Variants in TAB2 observed in about 807,000 individuals in gnomAD.
TAB2 encodes the protein TGF-beta activated kinase 1 (MAP3K7) binding protein 2, also known as TGF-beta-activated kinase 1 and MAP3K7-binding protein 2.
TAB2 carries 3 observed loss-of-function variants against 65.0 expected under a neutral mutation model. The observed-to-expected ratio is 0.05, with a 90% CI of 0.02 to 0.12. The LOEUF is 0.12. TAB2 is among the 10% of genes least tolerant of loss of function. The pLI is 1.00. For synonymous variants in TAB2, 298 were observed against 285.1 expected (o/e 1.05, Z -0.46); for missense variants, 623 against 840.3 (o/e 0.74, Z 3.20).
chr6:149,241,022 C>T (rs1424249511), intron 1 of TAB2, among the ~76,000 whole-genome samples: 1 of 151,956 alleles, frequency 6.6e-6, no homozygotes, highest in African/African-American at 2.4e-5. Flanking sequence ...GGAAGAGACA[C>T]CAAGAGCTCT....
At chr6:149,293,777 C>G (rs1226979825) in intron 1 of TAB2, among the ~76,000 whole-genome samples, 1 of 152,120 alleles carries the variant, frequency 6.6e-6, no homozygotes, top group Non-Finnish European at 1.5e-5. Flanking sequence ...ACAGATAATA[C>G]AACCTCATTT....
upstream of TAB2, chr6:149,218,612 T>C (rs1179283170): frequency 5.2e-5 from 18 of 344,874 alleles, no homozygotes; most frequent in Middle Eastern, 3.8e-4. Context: ...GACACTCTTA[T>C]ATTCTTACAG....
chr6:149,321,457 G>C (rs1459032893), intron 1 of TAB2: 1 of 152,122 alleles, frequency 6.6e-6, no homozygotes, highest in African/African-American at 2.4e-5. Flanking sequence ...GACTGATCTT[G>C]ATAAAACTAA....
intron 1 of TAB2, among the ~76,000 whole-genome samples, chr6:149,292,648 CAT>C (rs1778798612): frequency 6.6e-6 from 1 of 151,766 alleles, no homozygotes; most frequent in Non-Finnish European, 1.5e-5. Flanking sequence ...ATAAAAATGA[CAT>C]ATAGAATGTC....
chr6:149,256,787 T>G (rs149732224), intron 1 of TAB2, among the ~76,000 whole-genome samples: 1 of 152,316 alleles, frequency 6.6e-6, no homozygotes, highest in African/African-American at 2.4e-5. Context: ...AGCCTTTATA[T>G]TAGAGTTTTC....
At chr6:149,339,613 T>A (rs1231899929) in intron 1 of TAB2, among the ~76,000 whole-genome samples, 3 of 140,918 alleles carry the variant, frequency 2.1e-5, no homozygotes, top group Non-Finnish European at 4.6e-5. Flanking sequence ...TTATTTTTTT[T>A]TTTTTTTGAG....
chr6:149,326,243 G>A (rs1308555991), intron 1 of TAB2, among the ~76,000 whole-genome samples: 1 of 140,784 alleles, frequency 7.1e-6, no homozygotes, highest in Admixed American at 7.3e-5. Context: ...AAAATTTTTA[G>A]CCTGGGTGAC....
intron 1 of TAB2, among the ~76,000 whole-genome samples, chr6:149,241,683 CA>C (rs921165203): frequency 4.6e-5 from 7 of 152,066 alleles, no homozygotes; most frequent in African/African-American, 1.7e-4. Flanking sequence ...CAAATATAAC[CA>C]GAAATTAATT....
intron 1 of TAB2, among the ~76,000 whole-genome samples, chr6:149,269,833 C>G (rs1470335460): frequency 6.6e-6 from 1 of 152,118 alleles, no homozygotes; most frequent in Admixed American, 6.5e-5. Flanking sequence ...TTTTGTTTAT[C>G]CATTGCCCAA....
At chr6:149,341,468 A>G (rs1780124175) in intron 1 of TAB2, among the ~76,000 whole-genome samples, 1 of 152,318 alleles carries the variant, frequency 6.6e-6, no homozygotes, top group Admixed American at 6.5e-5. Flanking sequence ...AGAAAAATAT[A>G]TTGAATGCCT....
At chr6:149,292,678 C>CA (rs1404823417) in intron 1 of TAB2, among the ~76,000 whole-genome samples, 1 of 151,962 alleles carries the variant, frequency 6.6e-6, no homozygotes, top group Non-Finnish European at 1.5e-5. Context: ...TGACATATGT[C>CA]AAAAAATGAC....
chr6:149,259,847 C>T (rs11968300), intron 1 of TAB2, among the ~76,000 whole-genome samples: 33,683 of 152,170 alleles, frequency 0.22, 3,896 homozygotes, highest in East Asian at 0.38. Context: ...CGGGACATAG[C>T]CTGGCCCCTC....
intron 1 of TAB2, among the ~76,000 whole-genome samples, chr6:149,335,720 T>C (rs1178013088): frequency 6.6e-6 from 1 of 152,046 alleles, no homozygotes; most frequent in African/African-American, 2.4e-5. Flanking sequence ...TTGGCAGGGC[T>C]CTTTGAAGAA....
At chr6:149,353,393 C>T (rs1780554135) in intron 1 of TAB2, among the ~76,000 whole-genome samples, 3 of 152,204 alleles carry the variant, frequency 2.0e-5, no homozygotes, top group Admixed American at 6.5e-5. Flanking sequence ...AAGTCTTCCT[C>T]TCCAGCCCTT....
At chr6:149,336,973 T>C (rs1779952692) in intron 1 of TAB2, among the ~76,000 whole-genome samples, 1 of 152,140 alleles carries the variant, frequency 6.6e-6, no homozygotes, top group Admixed American at 6.6e-5. Flanking sequence ...GAACTGAAAT[T>C]TAGCATTTAC....
At chr6:149,356,178 T>C (rs974016335) in intron 1 of TAB2, among the ~76,000 whole-genome samples, 1 of 152,236 alleles carries the variant, frequency 6.6e-6, no homozygotes, top group African/African-American at 2.4e-5. Flanking sequence ...GTAGTTCTAC[T>C]TTAGCACATA....
Position 149,378,579 on chromosome 6 carries a change from C to T in TAB2, c.664C>T (p.Pro222Ser). The change falls in exon 3 of 7, where the codon CCT becomes TCT. Residue 222 changes from proline to serine, a missense_variant. Pro to Ser is a moderately conservative substitution (Grantham distance 74). Transcript: ENST00000637181. ...CTATATTAGGCCTTACATTACAACT[C>T]CTGGTGGTACAACTCGACAGACACA... is the stretch of plus-strand genomic sequence containing the variant. ...SIYIRPYITT[P>S]GGTTRQTQQH... 2 of 1,613,852 alleles carry T rather than the reference C, an allele frequency of 1.2e-6. No homozygotes were observed. Among genetic ancestry groups the T allele is most frequent in the Non-Finnish European group, 1.7e-6 (2 of 1,180,034 alleles).
At chr6:149,261,399 G>T (rs901263703) in intron 1 of TAB2, among the ~76,000 whole-genome samples, 2 of 152,132 alleles carry the variant, frequency 1.3e-5, no homozygotes, top group Non-Finnish European at 2.9e-5. Context: ...ACAGATGAAA[G>T]CACAGTATTT....
chr6:149,225,460 G>A (rs1255485394), intron 1 of TAB2, among the ~76,000 whole-genome samples: 1 of 152,186 alleles, frequency 6.6e-6, no homozygotes, highest in African/African-American at 2.4e-5. Context: ...GATTCCAGAG[G>A]TAGTCCAAGG....
Sources: gnomAD v4.1 joint callset for allele counts (sites outside exome capture counted in the v4.1 genomes callset) on GRCh38, gnomAD v4.1.1 for gene constraint, MANE v1.5 for transcripts, NCBI Gene and HGNC (gene_info 2026-07-23, HGNC 2026-07-21) for gene names.